Variants in NAALADL2 observed in about 807,000 individuals in gnomAD.
NAALADL2 encodes the protein N-acetylated alpha-linked acidic dipeptidase like 2.
In NAALADL2, 76 loss-of-function variants were observed where a neutral mutation model predicts 87.2. The ratio of observed to expected loss-of-function variants is 0.87; its 90% CI spans 0.72 to 1.05. NAALADL2 has a LOEUF of 1.05. Ranked by LOEUF, NAALADL2 falls within the 50% of genes least tolerant of loss-of-function variation. NAALADL2 has a pLI of 0.00. For missense variants in NAALADL2, 1,089 were observed against 945.8 expected (o/e 1.15, Z -1.99); for synonymous variants, 354 against 331.0 (o/e 1.07, Z -0.75).
chr3:175,293,287 T>G (rs780668638), intron 4 of NAALADL2, among the ~76,000 whole-genome samples: 2 of 152,138 alleles, frequency 1.3e-5, no homozygotes, highest in South Asian at 4.1e-4. Flanking sequence ...CTACAAGGCT[T>G]TAGAGTAGCC....
intron 9 of NAALADL2, among the ~76,000 whole-genome samples, chr3:175,547,977 G>T (rs981923450): frequency 3.3e-5 from 5 of 152,064 alleles, no homozygotes; most frequent in Non-Finnish European, 7.4e-5. Context: ...TTCAACTATT[G>T]TAGAAGACAG....
chr3:175,706,273 C>T lies in NAALADL2; in HGVS notation c.1897-31033C>T, dbSNP rs535807989. On this transcript the variant is annotated intron_variant, in intron 11 of 13. Coordinates refer to ENST00000454872, the MANE Select transcript of NAALADL2 (RefSeq NM_207015.3). ...CCTTATTGATGGGGAATATCTTCCA[C>T]GACCCCTAATGAATGCCAGAAACCA... 4.6e-5 allele frequency among the ~76,000 whole-genome samples: 7 copies of T among 152,208 alleles called. No homozygotes were observed. In the South Asian group the frequency reaches 8.3e-4, roughly 18 times the overall value.
intron 11 of NAALADL2, among the ~76,000 whole-genome samples, chr3:175,673,721 C>T (rs1246615771): frequency 6.6e-6 from 1 of 151,806 alleles, no homozygotes; most frequent in East Asian, 1.9e-4. Context: ...AACCAATGTT[C>T]CCAATACCTT....
chr3:174,812,227 A>C (rs1371928325), intron 3 of NAALADL2, among the ~76,000 whole-genome samples: 1 of 152,108 alleles, frequency 6.6e-6, no homozygotes, highest in Non-Finnish European at 1.5e-5. Context: ...ATTTATATAG[A>C]TCTTGCTCCT....
intron 2 of NAALADL2, among the ~76,000 whole-genome samples, chr3:174,690,282 G>A (rs1683516534): frequency 6.6e-6 from 1 of 152,122 alleles, no homozygotes; most frequent in Admixed American, 6.5e-5. Context: ...ATTTTCCAAT[G>A]TATGATTTTT....
intron 1 of NAALADL2, among the ~76,000 whole-genome samples, chr3:175,086,857 A>G (rs561898342): frequency 5.3e-5 from 8 of 152,194 alleles, no homozygotes; most frequent in Non-Finnish European, 1.0e-4. Context: ...GCTTATTGCT[A>G]GATTATTTAT....
chr3:175,406,005 A>G (rs556458227), intron 5 of NAALADL2, among the ~76,000 whole-genome samples: 46 of 152,316 alleles, frequency 3.0e-4, no homozygotes, highest in African/African-American at 1.0e-3. Context: ...GTAAGTGCTG[A>G]TGATTTGGTA....
chr3:175,462,734 T>C (rs56136571), intron 6 of NAALADL2, among the ~76,000 whole-genome samples: 6,695 of 152,252 alleles, frequency 0.044, 354 homozygotes, highest in East Asian at 0.14. Context: ...GAGTCCTTCC[T>C]GTTTGGTGTC....
intron 2 of NAALADL2, among the ~76,000 whole-genome samples, chr3:174,553,629 T>C (rs1430171199): frequency 6.6e-6 from 1 of 152,168 alleles, no homozygotes; most frequent in Non-Finnish European, 1.5e-5. Context: ...TAATGAGTTA[T>C]AATCATCTTT....
Position 175,550,268 on chromosome 3 carries a change from G to T in NAALADL2, c.1654-25773G>T, listed in dbSNP as rs116547776. 8.6e-3 allele frequency among the ~76,000 whole-genome samples: 1,313 copies of T among 152,174 alleles called. 25 individuals are homozygous for T. Among genetic ancestry groups the T allele is most frequent in the African/African-American group, 0.03 (1,246 of 41,544 alleles). ...TGGAAAACATAATAGGACTTTTAGT[G>T]TACCTTAATCTAAATAAACTGGTTC... is the stretch of plus-strand genomic sequence containing the variant. On this transcript the variant is annotated intron_variant, in intron 9 of 13. Coordinates refer to ENST00000454872, the MANE Select transcript of NAALADL2 (RefSeq NM_207015.3).
intron 1 of NAALADL2, among the ~76,000 whole-genome samples, chr3:174,457,317 C>G (rs1206550777): frequency 6.6e-6 from 1 of 152,130 alleles, no homozygotes; most frequent in Non-Finnish European, 1.5e-5. Context: ...GGCTTAAAAA[C>G]AGAAGTACCA....
At chr3:174,972,838 A>T (rs1052069444) in intron 1 of NAALADL2, among the ~76,000 whole-genome samples, 3 of 151,952 alleles carry the variant, frequency 2.0e-5, no homozygotes, top group African/African-American at 7.3e-5. Context: ...ACTAAAAAAA[A>T]ATACAAAATT....
chr3:174,763,006 G>A (rs530632394), intron 3 of NAALADL2, among the ~76,000 whole-genome samples: 2 of 152,150 alleles, frequency 1.3e-5, no homozygotes, highest in African/African-American at 4.8e-5. Context: ...AATAATAACT[G>A]TAAATAAAGG....
chr3:175,267,152 T>C (rs1752068103), intron 4 of NAALADL2, among the ~76,000 whole-genome samples: 3 of 152,022 alleles, frequency 2.0e-5, no homozygotes, highest in African/African-American at 7.2e-5. Context: ...CTTTCCTTAC[T>C]GAGAAGTTTT....
intron 5 of NAALADL2, among the ~76,000 whole-genome samples, chr3:175,355,539 A>G (rs541024506): frequency 1.3e-5 from 2 of 152,168 alleles, no homozygotes; most frequent in African/African-American, 2.4e-5. Context: ...AACTGAGGCT[A>G]TGTATCAAAA....
intron 2 of NAALADL2, among the ~76,000 whole-genome samples, chr3:175,198,389 G>A (rs1300966530): frequency 6.6e-6 from 1 of 151,890 alleles, no homozygotes. Flanking sequence ...CTGGATGAAT[G>A]TCTATTCTAC....
intron 2 of NAALADL2, among the ~76,000 whole-genome samples, chr3:174,582,208 G>A (rs931351252): frequency 6.6e-6 from 1 of 152,150 alleles, no homozygotes; most frequent in African/African-American, 2.4e-5. Flanking sequence ...GAAGGTTTTC[G>A]TGGAATACTG....
chr3:174,898,828 G>A lies in NAALADL2; in HGVS notation c.43+39378G>A, dbSNP rs1320007459. ...TGGTAAAATTCTAAAAGAAAAGCAA[G>A]GAAAGTATCTTTGTGGAGGAAGAAG... On this transcript the variant is annotated intron_variant, in intron 1 of 13. Transcript: ENST00000454872. Among the ~76,000 whole-genome samples the A allele has an allele frequency of 2.0e-5, 3 of 152,120 alleles. No individual in the cohort carries two copies. The South Asian group carries it at 6.2e-4, about 31-fold the overall frequency.
chr3:174,986,815 G>C (rs563893871), intron 1 of NAALADL2, among the ~76,000 whole-genome samples: 1 of 152,146 alleles, frequency 6.6e-6, no homozygotes, highest in Non-Finnish European at 1.5e-5. Flanking sequence ...GTAGACAAGG[G>C]TTAGTAGGAG....
Sources: allele counts gnomAD v4.1 joint callset (sites outside exome capture counted in the v4.1 genomes callset), GRCh38; gene constraint gnomAD v4.1.1; transcripts MANE v1.5; gene names NCBI Gene and HGNC (gene_info 2026-07-23, HGNC 2026-07-21).